The following CDH13 variants were observed in gnomAD, a reference collection of about 807,000 sequenced individuals.
CDH13 encodes the protein cadherin-13.
A neutral mutation model predicts 63.8 loss-of-function variants in CDH13; 24 were observed. The ratio of observed to expected loss-of-function variants is 0.38; its 90% CI spans 0.27 to 0.53. CDH13 has a LOEUF of 0.53. Among genes scored for constraint, CDH13 ranks in the 20% least tolerant of loss-of-function variants. The pLI is 0.85. For synonymous variants in CDH13, 503 were observed against 355.3 expected, an observed-to-expected ratio of 1.42 and a Z score of -4.67; for missense variants, 1,049 against 903.1, an observed-to-expected ratio of 1.16 and a Z score of -2.07.
At chr16:83,045,893 T>C (rs746582757) in intron 3 of CDH13, among the ~76,000 whole-genome samples, 5 of 152,250 alleles carry the variant, frequency 3.3e-5, no homozygotes, top group Non-Finnish European at 7.3e-5. Flanking sequence ...TGAATGTTTG[T>C]AGAAAAATTA....
In CDH13 at chr16:83,483,580, CA is replaced by C. The variant is rs140828825; in HGVS notation, c.782-2894del. 6.3e-3 allele frequency among the ~76,000 whole-genome samples: 954 copies of C among 151,714 alleles called. 8 individuals carry two copies. The highest frequency in any genetic ancestry group is 0.022 in the African/African-American group (891 of 41,328). ...AATTAAAGGCAGATTAAATAGGGCA[CA>C]AATCCAATCAATCGAGCATTCATTA... On this transcript the variant is annotated intron_variant, in intron 6 of 13. Coordinates refer to ENST00000567109, the MANE Select transcript of CDH13 (RefSeq NM_001257.5).
At chr16:82,678,724 G>A (rs1278703317) in intron 1 of CDH13, among the ~76,000 whole-genome samples, 1 of 152,186 alleles carries the variant, frequency 6.6e-6, no homozygotes, top group Non-Finnish European at 1.5e-5. Flanking sequence ...TAAGGAGACA[G>A]TAATGGGTAC....
chr16:82,848,302 G>A (rs1180717743), intron 1 of CDH13, among the ~76,000 whole-genome samples: 1 of 152,154 alleles, frequency 6.6e-6, no homozygotes, highest in Non-Finnish European at 1.5e-5. Flanking sequence ...TTGGAGCAAT[G>A]CTTTGTGTCC....
At chr16:83,565,856 G>C (rs1230725804) in intron 7 of CDH13, among the ~76,000 whole-genome samples, 1 of 150,470 alleles carries the variant, frequency 6.6e-6, no homozygotes, top group Non-Finnish European at 1.5e-5. Context: ...TTATTCTTTT[G>C]TGATAACTGA....
At chr16:83,773,259 T>C (rs1046921503) in intron 11 of CDH13, among the ~76,000 whole-genome samples, 6 of 152,188 alleles carry the variant, frequency 3.9e-5, no homozygotes, top group African/African-American at 1.4e-4. Flanking sequence ...GTTTCTAAAG[T>C]AAATGCTTCA....
At chr16:82,678,458 A>C (rs1914185881) in intron 1 of CDH13, among the ~76,000 whole-genome samples, 1 of 152,094 alleles carries the variant, frequency 6.6e-6, no homozygotes, top group South Asian at 2.1e-4. Flanking sequence ...AGGGCAAGGA[A>C]TAGGTTATGT....
intron 6 of CDH13, among the ~76,000 whole-genome samples, chr16:83,462,151 A>T (rs1476995718): frequency 6.6e-6 from 1 of 152,240 alleles, no homozygotes; most frequent in Non-Finnish European, 1.5e-5. Flanking sequence ...TGTCACTTCT[A>T]CATCTGCCTT....
intron 1 of CDH13, among the ~76,000 whole-genome samples, chr16:82,818,727 C>G (rs149406331): frequency 6.6e-6 from 1 of 152,276 alleles, no homozygotes; most frequent in African/African-American, 2.4e-5. Flanking sequence ...CACATCTGGC[C>G]ACAGGCATCT....
intron 2 of CDH13, among the ~76,000 whole-genome samples, chr16:82,946,696 G>C (rs1023392159): frequency 4.8e-4 from 72 of 150,780 alleles, no homozygotes; most frequent in African/African-American, 1.7e-3. Context: ...ACTCCAGCGT[G>C]GGTGACAGAA....
At chr16:83,472,039 C>G (rs955399283) in intron 6 of CDH13, among the ~76,000 whole-genome samples, 1 of 152,218 alleles carries the variant, frequency 6.6e-6, no homozygotes, top group African/African-American at 2.4e-5. Context: ...TGGGCCATGC[C>G]TCTCCCGTCT....
chr16:82,754,415 G>A (rs992379298), intron 1 of CDH13, among the ~76,000 whole-genome samples: 1 of 152,130 alleles, frequency 6.6e-6, no homozygotes, highest in Admixed American at 6.5e-5. Context: ...CTGAACTTTA[G>A]GAGAATAAAG....
At chr16:83,550,302 C>T (rs2075467113) in intron 7 of CDH13, among the ~76,000 whole-genome samples, 1 of 152,162 alleles carries the variant, frequency 6.6e-6, no homozygotes, top group South Asian at 2.1e-4. Context: ...CCAAAGAAGC[C>T]TTTTTCAACC....
chr16:82,642,505 G>A (rs769407079), intron 1 of CDH13, among the ~76,000 whole-genome samples: 4 of 152,074 alleles, frequency 2.6e-5, no homozygotes, highest in African/African-American at 4.8e-5. Flanking sequence ...TCTCTCTTTG[G>A]TGGGAGAGCT....
intron 7 of CDH13, among the ~76,000 whole-genome samples, chr16:83,492,464 C>G (rs574893437): frequency 9.9e-5 from 15 of 152,238 alleles, no homozygotes; most frequent in Non-Finnish European, 1.8e-4. Flanking sequence ...GCTATTTACT[C>G]ATAAATATTT....
At chr16:83,508,808 T>A (rs1567723054) in intron 7 of CDH13, among the ~76,000 whole-genome samples, 1 of 152,264 alleles carries the variant, frequency 6.6e-6, no homozygotes, top group Non-Finnish European at 1.5e-5. Context: ...GGCAGAGAGC[T>A]AGCTGGATCC....
chr16:82,828,758 T>G lies in CDH13; in HGVS notation c.46-29604T>G, dbSNP rs559688346. On this transcript the variant is annotated intron_variant, in intron 1 of 13. Transcript: ENST00000567109. Reference sequence around the variant, plus strand: ...AATACAAATAAAAATACAGTACAACTATTTTCATAGCATTTACATTCTATT... The same window carrying G: ...AATACAAATAAAAATACAGTACAACGATTTTCATAGCATTTACATTCTATT... Among the ~76,000 whole-genome samples, 13 of 152,218 alleles carry G rather than the reference T, an allele frequency of 8.5e-5. No individual in the cohort carries two copies. The South Asian group carries it at 1.7e-3, about 19-fold the overall frequency.
chr16:83,509,335 CA>C (rs1347912000), intron 7 of CDH13, among the ~76,000 whole-genome samples: 6 of 152,310 alleles, frequency 3.9e-5, no homozygotes, highest in East Asian at 1.9e-4. Context: ...ATAACTTGAG[CA>C]AAAGATTTTT....
chr16:82,778,565 G>T (rs571928573), intron 1 of CDH13, among the ~76,000 whole-genome samples: 9 of 69,888 alleles, frequency 1.3e-4, no homozygotes, highest in African/African-American at 5.8e-4. Flanking sequence ...TTGGAATCAC[G>T]ACCAGAAAAA....
rs1247811975 is a variant in CDH13 at position 83,566,517 on chromosome 16, C to CCATTCTG, written c.961-35931_961-35930insGCATTCT. Among the ~76,000 whole-genome samples the CCATTCTG allele has an allele frequency of 9.1e-4, 138 of 152,118 alleles. 1 individual carries two copies. Among genetic ancestry groups the CCATTCTG allele is most frequent in the Non-Finnish European group, 7.4e-5 (5 of 67,976 alleles). ...AAAGGCAGAGCCCCACCTCCATTCT[C>CCATTCTG]CATTCTCCCTCTTCCACTCTCTCCA... On this transcript the variant is annotated intron_variant, in intron 7 of 13. Transcript: ENST00000567109.
Sources: gnomAD v4.1 joint callset for allele counts (sites outside exome capture counted in the v4.1 genomes callset) on GRCh38, gnomAD v4.1.1 for gene constraint, MANE v1.5 for transcripts, NCBI Gene and HGNC (gene_info 2026-07-23, HGNC 2026-07-21) for gene names.